DDX60L: variants seen among roughly 807,000 people sequenced by gnomAD.
The protein encoded by DDX60L is probable ATP-dependent RNA helicase DDX60-like.
In DDX60L, 191 loss-of-function variants were observed where a neutral mutation model predicts 211.6. That is an observed-to-expected ratio of 0.90 (90% CI 0.80 to 1.02). The LOEUF is 1.02. Ranked by LOEUF, DDX60L falls within the 50% of genes least tolerant of loss-of-function variation. The probability of loss-of-function intolerance (pLI) is 0.00; values close to 1 mark genes in which losing one functional copy is unlikely to be tolerated. For synonymous variants in DDX60L, 706 were observed against 694.1 expected, an observed-to-expected ratio of 1.02 and a Z score of -0.27; for missense variants, 2,007 against 1,984.1, an observed-to-expected ratio of 1.01 and a Z score of -0.22.
chr4:168,430,398 C>T, intron 13 of DDX60L, 80 bp downstream of exon 13: 4 of 1,247,936 alleles, frequency 3.2e-6, no homozygotes, highest in African/African-American at 1.5e-5. Flanking sequence ...GAATGGAAGA[C>T]ACCTCCAGAG....
rs147690806 is a variant in DDX60L, at chr4:168,375,219, G to T, written c.4633+158C>A. Among the ~76,000 whole-genome samples the T allele has an allele frequency of 4.5e-3, 686 of 152,040 alleles. 1 individual carries two copies. Among genetic ancestry groups the T allele is most frequent in the Non-Finnish European group, 7.1e-3 (484 of 67,992 alleles). ...CAGAGCCATTATCACACCCTACAAT[G>T]GGCTAAATTGTTTTCTGGGGATAAA... On this transcript the variant is annotated intron_variant, in intron 34 of 37. Transcript: ENST00000682922.
chr4:168,400,514 C>T (rs896147512), intron 26 of DDX60L, among the ~76,000 whole-genome samples: 1 of 152,126 alleles, frequency 6.6e-6, no homozygotes, highest in East Asian at 1.9e-4. Context: ...GACCAGGAAA[C>T]CTCCAGGTTG....
chr4:168,405,874 T>C, intron 24 of DDX60L, 76 bp downstream of exon 24: 2 of 1,418,972 alleles, frequency 1.4e-6, no homozygotes, highest in South Asian at 1.5e-5. Context: ...ACAAAACATT[T>C]ATTGGCTAAA....
At chr4:168,438,833 C>G (rs1753424523) in intron 10 of DDX60L, among the ~76,000 whole-genome samples, 1 of 152,202 alleles carries the variant, frequency 6.6e-6, no homozygotes, top group Non-Finnish European at 1.5e-5. Context: ...GAAATGAGGA[C>G]TCTAATAGTT....
intron 5 of DDX60L, 122 bp from the exon 6 acceptor site, chr4:168,458,130 C>T (rs569382305): frequency 3.0e-5 from 16 of 538,344 alleles, no homozygotes; most frequent in South Asian, 2.5e-4. Flanking sequence ...GTCAGAATGG[C>T]GATTACTAAA....
At chr4:168,371,876 G>A (rs962186808) in intron 35 of DDX60L, 113 bp from the exon 36 acceptor site, 1 of 1,049,838 alleles carries the variant, frequency 9.5e-7, no homozygotes. Context: ...TGAAGAAGTT[G>A]AAGTGAAGGA....
chr4:168,479,899 G>A (rs1217346434), intron 1 of DDX60L, among the ~76,000 whole-genome samples: 6 of 149,820 alleles, frequency 4.0e-5, no homozygotes, highest in Non-Finnish European at 8.9e-5. Context: ...CAGGAGAATA[G>A]CGTGAACCCG....
chr4:168,437,343 G>C (rs568427703), intron 10 of DDX60L, among the ~76,000 whole-genome samples: 1 of 152,276 alleles, frequency 6.6e-6, no homozygotes, highest in Non-Finnish European at 1.5e-5. Context: ...GAGAGAAGGA[G>C]AACACTATGT....
chr4:168,436,869 C>A (rs1193650684), intron 10 of DDX60L, among the ~76,000 whole-genome samples: 1 of 152,114 alleles, frequency 6.6e-6, no homozygotes, highest in East Asian at 1.9e-4. Context: ...TTTTGAGCTC[C>A]TTGTACCTCT....
chr4:168,379,313 C>A (rs1266658126), intron 32 of DDX60L, 50 bp downstream of exon 32: 2 of 1,445,334 alleles, frequency 1.4e-6, no homozygotes, highest in South Asian at 1.6e-5. Context: ...TTTGGCTATT[C>A]AATAAATATG....
intron 4 of DDX60L, among the ~76,000 whole-genome samples, chr4:168,463,676 A>C (rs1264698871): frequency 6.6e-6 from 1 of 152,176 alleles, no homozygotes; most frequent in East Asian, 1.9e-4. Context: ...ACTTTTCTAT[A>C]GGTATCAATC....
intron 10 of DDX60L, 58 bp from the exon 11 acceptor site, chr4:168,433,173 T>G (rs1752596741): frequency 8.7e-7 from 1 of 1,149,040 alleles, no homozygotes; most frequent in Non-Finnish European, 1.2e-6. Flanking sequence ...TATATGAATT[T>G]TGAACATTAT....
At chr4:168,380,021 C>T (rs1579261910) in intron 30 of DDX60L, 191 bp from the exon 31 acceptor site, 1 of 474,384 alleles carries the variant, frequency 2.1e-6, no homozygotes, top group East Asian at 3.3e-5. Context: ...GAATTAAATA[C>T]ATCATATAAA....
At chr4:168,386,760 A>G (rs545167965) in intron 29 of DDX60L, among the ~76,000 whole-genome samples, 1 of 152,292 alleles carries the variant, frequency 6.6e-6, no homozygotes, top group South Asian at 2.1e-4. Flanking sequence ...CCTGAAGATT[A>G]CGTGGTAGAC....
At chr4:168,374,764 C>T (rs1411853226) in intron 34 of DDX60L, among the ~76,000 whole-genome samples, 8 of 152,154 alleles carry the variant, frequency 5.3e-5, no homozygotes, top group East Asian at 1.9e-4. Flanking sequence ...TAGACTTACG[C>T]GATGTTGACT....
At position 168,391,651 on chromosome 4, in the gene DDX60L, A is replaced by G. The variant is rs79208472; in HGVS notation, c.3811-7T>C. On this transcript the variant is annotated splice_polypyrimidine_tract_variant and splice_region_variant and intron_variant, in intron 28 of 37. Coordinates refer to ENST00000682922, the MANE Select transcript of DDX60L (RefSeq NM_001012967.3). ...TTTCAGTAGCTGTCACTACCTAGGA[A>G]AAAAAAAAAAAAACAGTCAATACAC... is the stretch of plus-strand genomic sequence containing the variant. The G allele has an allele frequency of 0.078, 68,297 of 880,312 alleles. 396 individuals carry two copies. Among genetic ancestry groups the G allele is most frequent in the South Asian group, 0.1 (4,288 of 41,924 alleles). The allele number at this position is 880,312 out of a possible 1,614,324, so 54.5% of individuals were successfully genotyped here. A position where few individuals can be genotyped will look rare whatever the true frequency, so the allele number is the denominator to read the frequency against.
chr4:168,385,074 T>C (rs775631258), intron 29 of DDX60L, among the ~76,000 whole-genome samples: 2 of 152,128 alleles, frequency 1.3e-5, no homozygotes, highest in Non-Finnish European at 2.9e-5. Flanking sequence ...CCAATATCTG[T>C]ATGTGAATGA....
At chr4:168,358,793 C>A (rs1232564683) in intron 37 of DDX60L, among the ~76,000 whole-genome samples, 1 of 152,124 alleles carries the variant, frequency 6.6e-6, no homozygotes, top group African/African-American at 2.4e-5. Context: ...GCTGGGATTA[C>A]AGGCGTGGGC....
rs996138434 is a variant in DDX60L at position 168,390,393 on chromosome 4, T to C, written c.3915+1147A>G. 17 of 1,256,568 alleles carry C rather than the reference T, an allele frequency of 1.4e-5. No individual in the cohort carries two copies. In the East Asian group the frequency reaches 2.5e-4, roughly 19 times the overall value. The allele number at this position is 1,256,568 out of a possible 1,614,324, so 77.8% of individuals were successfully genotyped here. A position where few individuals can be genotyped will look rare whatever the true frequency, so the allele number is the denominator to read the frequency against. On this transcript the variant is annotated intron_variant, in intron 29 of 37. Coordinates refer to ENST00000682922, the MANE Select transcript of DDX60L (RefSeq NM_001012967.3). ...ACATGGTAAAAGGTGATATGGTCTA[T>C]AGCTATACTTGAGAAAAGGAAAATA...
Sources: gnomAD v4.1 joint callset for allele counts (sites outside exome capture counted in the v4.1 genomes callset) on GRCh38, gnomAD v4.1.1 for gene constraint, MANE v1.5 for transcripts, NCBI Gene and HGNC (gene_info 2026-07-23, HGNC 2026-07-21) for gene names.